MGMT: variants seen among roughly 807,000 people sequenced by gnomAD.
The protein encoded by MGMT is O-6-methylguanine-DNA methyltransferase.
A neutral mutation model predicts 15.9 loss-of-function variants in MGMT; 14 were observed. That is an observed-to-expected ratio of 0.88 (90% CI 0.58 to 1.37). The LOEUF (loss-of-function observed/expected upper bound fraction) is 1.37, where lower values mean the gene tolerates loss of function less well. Ranked by LOEUF, MGMT falls within the 40% of genes most tolerant of loss-of-function variation. The pLI is 0.00. For synonymous variants in MGMT, 130 were observed against 118.2 expected (o/e 1.10, Z -0.65); for missense variants, 282 against 268.1 (o/e 1.05, Z -0.36).
chr10:129,766,538 G>T (rs181358527), intron 4 of MGMT, among the ~76,000 whole-genome samples: 13 of 152,330 alleles, frequency 8.5e-5, no homozygotes, highest in African/African-American at 2.9e-4. Context: ...CTCTGAGGAT[G>T]CCCCACGTCA....
At chr10:129,758,190 T>C (rs771789246) in intron 3 of MGMT, among the ~76,000 whole-genome samples, 4 of 152,200 alleles carry the variant, frequency 2.6e-5, no homozygotes, top group South Asian at 2.1e-4. Context: ...TTAACACACA[T>C]GTAAGGGTGT....
intron 2 of MGMT, among the ~76,000 whole-genome samples, chr10:129,680,921 C>A (rs1013480915): frequency 6.6e-6 from 1 of 152,214 alleles, no homozygotes; most frequent in Admixed American, 6.5e-5. Context: ...TCCTGAGCGA[C>A]CCCATCAGTA....
chr10:129,602,935 C>T (rs969110583), intron 2 of MGMT, among the ~76,000 whole-genome samples: 1 of 152,208 alleles, frequency 6.6e-6, no homozygotes, highest in Non-Finnish European at 1.5e-5. Context: ...ATGTGGATAC[C>T]GAGGTTCCAC....
rs1848946716 is a variant in MGMT at position 129,767,007 on chromosome 10, G to T, written c.*10G>T. The T allele has an allele frequency of 1.9e-6, 3 of 1,578,786 alleles. No individual in the cohort carries two copies. The highest frequency in any genetic ancestry group is 2.6e-6 in the Non-Finnish European group (3 of 1,161,808). ...TGCTGGCCGAAACTGAGTATGTGCA[G>T]TAGGATGGATGTTTGAGCGACACAC... On this transcript the variant is annotated 3_prime_UTR_variant, in exon 5 of 5. Coordinates refer to ENST00000651593, the MANE Select transcript of MGMT (RefSeq NM_002412.5).
intron 3 of MGMT, among the ~76,000 whole-genome samples, chr10:129,734,677 G>C (rs1239969788): frequency 6.6e-6 from 1 of 152,100 alleles, no homozygotes; most frequent in Non-Finnish European, 1.5e-5. Context: ...TGCCCATTCA[G>C]TATGATATTG....
At chr10:129,606,506 G>A (rs1011727594) in intron 2 of MGMT, among the ~76,000 whole-genome samples, 2 of 152,170 alleles carry the variant, frequency 1.3e-5, no homozygotes, top group Non-Finnish European at 2.9e-5. Flanking sequence ...GAGGGCCTCC[G>A]CACCCGGCGC....
At chr10:129,514,333 A>G (rs981140860) in intron 1 of MGMT, among the ~76,000 whole-genome samples, 1 of 152,210 alleles carries the variant, frequency 6.6e-6, no homozygotes, top group African/African-American at 2.4e-5. Context: ...AACAATGCAC[A>G]ATACTTTGTC....
At chr10:129,573,909 G>A (rs1193126399) in intron 2 of MGMT, among the ~76,000 whole-genome samples, 1 of 152,204 alleles carries the variant, frequency 6.6e-6, no homozygotes, top group Non-Finnish European at 1.5e-5. Context: ...GACTTTGTGA[G>A]AATTGAATTT....
At chr10:129,617,113 C>T (rs1316303786) in intron 2 of MGMT, among the ~76,000 whole-genome samples, 1 of 152,106 alleles carries the variant, frequency 6.6e-6, no homozygotes, top group East Asian at 1.9e-4. Flanking sequence ...GGTAGGTCTT[C>T]AATCCTCACC....
chr10:129,647,967 AT>A (rs1214771394), intron 2 of MGMT, among the ~76,000 whole-genome samples: 1 of 152,212 alleles, frequency 6.6e-6, no homozygotes, highest in Non-Finnish European at 1.5e-5. Flanking sequence ...TGCCCTTTTC[AT>A]TCCATAAATA....
chr10:129,539,112 T>G (rs1172177213), intron 2 of MGMT, among the ~76,000 whole-genome samples: 1 of 152,218 alleles, frequency 6.6e-6, no homozygotes, highest in Non-Finnish European at 1.5e-5. Flanking sequence ...AGGTTTTAAA[T>G]TTTGAACAAG....
intron 2 of MGMT, among the ~76,000 whole-genome samples, chr10:129,703,527 G>C (rs916076025): frequency 6.6e-6 from 1 of 152,104 alleles, no homozygotes; most frequent in Non-Finnish European, 1.5e-5. Flanking sequence ...GGGTGTGATG[G>C]CCAGCCAGAC....
At chr10:129,517,786 T>G (rs1441107269) in intron 1 of MGMT, among the ~76,000 whole-genome samples, 2 of 151,120 alleles carry the variant, frequency 1.3e-5, no homozygotes, top group Non-Finnish European at 2.9e-5. Flanking sequence ...AAACCCTCAC[T>G]GTGACCCCAC....
chr10:129,760,358 C>T (rs1370068663), intron 4 of MGMT, among the ~76,000 whole-genome samples: 4 of 152,348 alleles, frequency 2.6e-5, no homozygotes, highest in South Asian at 2.1e-4. Flanking sequence ...TGTGTGGTCA[C>T]GTTGGCAGTG....
At position 129,617,676 on chromosome 10, in the gene MGMT, AT is replaced by A. The variant is rs574583843; in HGVS notation, c.125+81301del. Among the ~76,000 whole-genome samples, 541 of 152,280 alleles carry A rather than the reference AT, an allele frequency of 3.6e-3. 3 individuals carry two copies. The highest frequency in any genetic ancestry group is 0.012 in the African/African-American group (512 of 41,556). ...GGTTTTGATTTGCATTTCTCTAATG[AT>A]TAGTGATGTTGAGCATTTTTTTCAT... On this transcript the variant is annotated intron_variant, in intron 2 of 4. Coordinates refer to ENST00000651593, the MANE Select transcript of MGMT (RefSeq NM_002412.5).
At chr10:129,486,026 C>T (rs1269794719) in intron 1 of MGMT, among the ~76,000 whole-genome samples, 2 of 152,160 alleles carry the variant, frequency 1.3e-5, no homozygotes, top group African/African-American at 4.8e-5. Context: ...TTAAGTTCAT[C>T]TACCTTATTA....
chr10:129,518,373 C>CACACA (rs1260129134), intron 1 of MGMT, among the ~76,000 whole-genome samples: 154 of 149,890 alleles, frequency 1.0e-3, no homozygotes, highest in African/African-American at 3.4e-3. Context: ...CACACACACA[C>CACACA]ATTTGGCCCT....
At chr10:129,517,990 T>C (rs927562168) in intron 1 of MGMT, among the ~76,000 whole-genome samples, 2 of 152,122 alleles carry the variant, frequency 1.3e-5, no homozygotes, top group African/African-American at 4.8e-5. Context: ...CCTGCCTGCC[T>C]TATTTGGAGA....
intron 1 of MGMT, among the ~76,000 whole-genome samples, chr10:129,519,938 A>T (rs907836010): frequency 6.6e-6 from 1 of 152,112 alleles, no homozygotes; most frequent in Non-Finnish European, 1.5e-5. Flanking sequence ...TCTCAGTGCT[A>T]TGGGAGGATT....
Sources: gnomAD v4.1 joint callset for allele counts (sites outside exome capture counted in the v4.1 genomes callset) on GRCh38, gnomAD v4.1.1 for gene constraint, MANE v1.5 for transcripts, NCBI Gene and HGNC (gene_info 2026-07-23, HGNC 2026-07-21) for gene names.